PPARGC1A: variants seen among roughly 807,000 people sequenced by gnomAD.
The protein encoded by PPARGC1A is PPARG coactivator 1 alpha, also known as peroxisome proliferator-activated receptor gamma coactivator 1-alpha.
In PPARGC1A, 25 loss-of-function variants were observed where a neutral mutation model predicts 88.7. The ratio of observed to expected loss-of-function variants is 0.28; its 90% CI spans 0.21 to 0.39. The LOEUF is 0.39. Ranked by LOEUF, PPARGC1A falls within the 10% of genes least tolerant of loss-of-function variation. The pLI is 1.00. For synonymous variants in PPARGC1A, 363 were observed against 355.6 expected, an observed-to-expected ratio of 1.02 and a Z score of -0.24; for missense variants, 880 against 968.7, an observed-to-expected ratio of 0.91 and a Z score of 1.22.
chr4:24,106,306 A>C, the PPARGC1A span, among the ~76,000 whole-genome samples: 1 of 152,212 alleles, frequency 6.6e-6, no homozygotes, highest in Non-Finnish European at 1.5e-5. Context: ...CATTATAGAC[A>C]CAAAGGCAAC....
At chr4:24,184,050 G>A in the PPARGC1A span, among the ~76,000 whole-genome samples, 1 of 152,100 alleles carries the variant, frequency 6.6e-6, no homozygotes, top group South Asian at 2.1e-4. Flanking sequence ...TTGCACTTCT[G>A]TCCTCTGATA....
the PPARGC1A span, among the ~76,000 whole-genome samples, chr4:24,245,527 G>A: frequency 2.0e-5 from 3 of 152,258 alleles, no homozygotes; most frequent in African/African-American, 7.2e-5. Flanking sequence ...TCACTGAGCC[G>A]GACTTTAAAT....
the PPARGC1A span, among the ~76,000 whole-genome samples, chr4:24,209,365 CAG>C: frequency 2.0e-5 from 3 of 152,336 alleles, no homozygotes; most frequent in East Asian, 5.8e-4. Context: ...GCTCCCAACA[CAG>C]GGAAATTTTT....
chr4:23,985,472 T>TTC, the PPARGC1A span, among the ~76,000 whole-genome samples: 1 of 10,446 alleles, frequency 9.6e-5, no homozygotes, highest in African/African-American at 4.3e-4. Flanking sequence ...TCTGCAATTT[T>TTC]TTTTTTTTTT....
chr4:24,345,586 G>A, the PPARGC1A span, among the ~76,000 whole-genome samples: 14 of 152,094 alleles, frequency 9.2e-5, no homozygotes, highest in African/African-American at 1.2e-4. Flanking sequence ...CTGCTTGGTC[G>A]CTTTTGGTGT....
the PPARGC1A span, among the ~76,000 whole-genome samples, chr4:24,380,599 T>C: frequency 6.6e-6 from 1 of 152,006 alleles, no homozygotes; most frequent in Non-Finnish European, 1.5e-5. Context: ...AGCAGAGGAT[T>C]GGAGGGAAGA....
chr4:24,227,234 G>A, the PPARGC1A span, among the ~76,000 whole-genome samples: 25 of 152,118 alleles, frequency 1.6e-4, no homozygotes, highest in East Asian at 1.7e-3. Context: ...ACAGGCACAC[G>A]CCGCCATGCC....
At chr4:23,996,095 C>T in the PPARGC1A span, among the ~76,000 whole-genome samples, 2 of 152,046 alleles carry the variant, frequency 1.3e-5, no homozygotes. Context: ...CTTAGTTGCC[C>T]AGACATTGTA....
At chr4:23,900,187 G>A (rs539260070), upstream of PPARGC1A, among the ~76,000 whole-genome samples, 152 of 152,242 alleles carry the variant, frequency 1.0e-3, no homozygotes, top group Admixed American at 3.6e-3. Context: ...TCAAAAAATA[G>A]AATAGGATTA....
chr4:24,332,648 A>C, the PPARGC1A span, among the ~76,000 whole-genome samples: 1 of 152,228 alleles, frequency 6.6e-6, no homozygotes. Flanking sequence ...AGTAGCTAAA[A>C]AGTTGTAAAA....
At chr4:24,291,854 G>C in the PPARGC1A span, among the ~76,000 whole-genome samples, 1 of 152,214 alleles carries the variant, frequency 6.6e-6, no homozygotes, top group Non-Finnish European at 1.5e-5. Flanking sequence ...GAGTTAGAGA[G>C]AGAATTCATT....
chr4:24,034,359 C>A, the PPARGC1A span, among the ~76,000 whole-genome samples: 1 of 152,044 alleles, frequency 6.6e-6, no homozygotes, highest in Non-Finnish European at 1.5e-5. Context: ...CTTATTTAGA[C>A]CCTCATTCAA....
chr4:24,159,205 C>CT, the PPARGC1A span, among the ~76,000 whole-genome samples: 1 of 143,514 alleles, frequency 7.0e-6, no homozygotes, highest in African/African-American at 2.7e-5. Flanking sequence ...AGGAAATTAA[C>CT]CTTTTTTTTT....
At chr4:23,935,030 C>T in the PPARGC1A span, among the ~76,000 whole-genome samples, 2 of 152,198 alleles carry the variant, frequency 1.3e-5, no homozygotes, top group African/African-American at 2.4e-5. Context: ...GCTCGAGGTT[C>T]TGCTCACATG....
chr4:24,133,918 T>C, the PPARGC1A span, among the ~76,000 whole-genome samples: 6 of 152,150 alleles, frequency 3.9e-5, no homozygotes, highest in Non-Finnish European at 8.8e-5. Context: ...AATACAATCA[T>C]AGCAAAAGAA....
At chr4:23,955,349 TAG>T in the PPARGC1A span, among the ~76,000 whole-genome samples, 2 of 152,080 alleles carry the variant, frequency 1.3e-5, no homozygotes, top group Admixed American at 6.6e-5. Context: ...GCCTTGAAAG[TAG>T]AGTTATAATG....
At chr4:24,248,511 C>T in the PPARGC1A span, among the ~76,000 whole-genome samples, 3 of 152,188 alleles carry the variant, frequency 2.0e-5, no homozygotes, top group South Asian at 6.2e-4. Context: ...GTATTATCAG[C>T]AAGCTTTGTG....
chr4:24,009,816 T>C, the PPARGC1A span, among the ~76,000 whole-genome samples: 5 of 152,336 alleles, frequency 3.3e-5, no homozygotes, highest in African/African-American at 1.2e-4. Context: ...CCACCTTTAT[T>C]GGGAGTAGCT....
upstream of PPARGC1A, among the ~76,000 whole-genome samples, chr4:23,906,733 A>G (rs569010892): frequency 3.9e-5 from 6 of 152,232 alleles, no homozygotes; most frequent in African/African-American, 1.4e-4. Flanking sequence ...GCCTCTTAGC[A>G]TCAATAGTAG....
Sources: allele counts gnomAD v4.1 joint callset (sites outside exome capture counted in the v4.1 genomes callset), GRCh38; gene constraint gnomAD v4.1.1; transcripts MANE v1.5; gene names NCBI Gene and HGNC (gene_info 2026-07-23, HGNC 2026-07-21).